Variants in KIF16B observed in about 807,000 individuals in gnomAD.
KIF16B encodes the protein kinesin-like protein KIF16B.
A neutral mutation model predicts 156.3 loss-of-function variants in KIF16B; 98 were observed. The ratio of observed to expected loss-of-function variants is 0.63; its 90% confidence interval spans 0.53 to 0.74. The LOEUF is 0.74. KIF16B is among the 30% of genes least tolerant of loss of function. The probability of loss-of-function intolerance (pLI) is 0.00; values close to 1 mark genes in which losing one functional copy is unlikely to be tolerated. For missense variants in KIF16B, 1,421 were observed against 1,606.5 expected, an observed-to-expected ratio of 0.88 and a Z score of 1.97; for synonymous variants, 564 against 583.7, an observed-to-expected ratio of 0.97 and a Z score of 0.49.
chr20:16,558,534 C>T (rs754101888), intron 1 of KIF16B, among the ~76,000 whole-genome samples: 6 of 152,214 alleles, frequency 3.9e-5, no homozygotes, highest in Non-Finnish European at 8.8e-5. Context: ...CACCTGCTGA[C>T]CAGGAACTGC....
At chr20:16,324,353 C>G (rs973255201) in intron 24 of KIF16B, among the ~76,000 whole-genome samples, 3 of 151,918 alleles carry the variant, frequency 2.0e-5, no homozygotes, top group African/African-American at 4.8e-5. Flanking sequence ...AGACATGAAC[C>G]TTGCCCCATG....
chr20:16,380,586 C>T lies in KIF16B; in HGVS notation c.1839-423G>A, dbSNP rs145872083. 4.4e-4 allele frequency among the ~76,000 whole-genome samples: 67 copies of T among 152,340 alleles called. No homozygotes were observed. In the East Asian group the frequency reaches 0.011, roughly 25 times the overall value. On this transcript the variant is annotated intron_variant, in intron 18 of 25. Transcript: ENST00000354981. Reference sequence around the variant, plus strand: ...ATAAAAATGCTTATGCTGTCCTCATCTCATTGGGGTCAAATATCAAAGTCA... The same window carrying T: ...ATAAAAATGCTTATGCTGTCCTCATTTCATTGGGGTCAAATATCAAAGTCA...
chr20:16,398,372 T>C (rs1212926128), intron 17 of KIF16B, among the ~76,000 whole-genome samples: 1 of 152,150 alleles, frequency 6.6e-6, no homozygotes, highest in African/African-American at 2.4e-5. Context: ...TGGTAGGTAC[T>C]GAGGGGCCAG....
At chr20:16,459,421 G>T (rs929922421) in intron 12 of KIF16B, among the ~76,000 whole-genome samples, 5 of 152,122 alleles carry the variant, frequency 3.3e-5, no homozygotes, top group Non-Finnish European at 7.3e-5. Flanking sequence ...TTTCTCAAAT[G>T]TAATTATATT....
chr20:16,433,961 C>T (rs965118249), intron 12 of KIF16B, among the ~76,000 whole-genome samples: 1 of 152,050 alleles, frequency 6.6e-6, no homozygotes, highest in African/African-American at 2.4e-5. Context: ...CCACCCTCCC[C>T]CAACTCCAGA....
chr20:16,423,755 G>A (rs1240179137), intron 15 of KIF16B, among the ~76,000 whole-genome samples: 1 of 152,002 alleles, frequency 6.6e-6, no homozygotes, highest in Non-Finnish European at 1.5e-5. Context: ...GCTGCCTGGA[G>A]GAATAGCAGC....
Position 16,453,250 on chromosome 20 carries a change from G to C in KIF16B, c.1303-23268C>G, listed in dbSNP as rs556823155. ...ATACCACTGCGCTCCAGCCTGAGCA[G>C]CAGTGAGATCCTGTCTCAATCAATC... On this transcript the variant is annotated intron_variant, in intron 12 of 25. Coordinates refer to ENST00000354981, the MANE Select transcript of KIF16B (RefSeq NM_024704.5). Among the ~76,000 whole-genome samples the C allele has an allele frequency of 2.6e-5, 4 of 152,186 alleles. No homozygotes were observed. In the East Asian group the frequency reaches 7.7e-4, roughly 29 times the overall value.
Position 16,410,109 on chromosome 20 carries a change from A to T in KIF16B, c.1613-3653T>A, listed in dbSNP as rs532826681. On this transcript the variant is annotated intron_variant, in intron 15 of 25. Coordinates refer to ENST00000354981, the MANE Select transcript of KIF16B (RefSeq NM_024704.5). ...TATGTAGGTACATATATATATATGT[A>T]GGTACATATATATATGTAGGTACAT... Among the ~76,000 whole-genome samples, 733 of 111,952 alleles carry T rather than the reference A, an allele frequency of 6.5e-3. 18 individuals carry two copies. The highest frequency in any genetic ancestry group is 0.011 in the Non-Finnish European group (566 of 52,034). The allele number at this position is 111,952 out of a possible 152,430, so 73.4% of individuals were successfully genotyped here.
intron 12 of KIF16B, among the ~76,000 whole-genome samples, chr20:16,446,669 A>C (rs2066939405): frequency 6.6e-6 from 1 of 152,198 alleles, no homozygotes; most frequent in Non-Finnish European, 1.5e-5. Context: ...CAGCTTCCAG[A>C]CTTTGGTAAC....
intron 1 of KIF16B, among the ~76,000 whole-genome samples, chr20:16,552,773 T>A (rs573595130): frequency 1.3e-5 from 2 of 152,310 alleles, no homozygotes; most frequent in African/African-American, 4.8e-5. Context: ...GCTTATATAT[T>A]CCTATGTTTT....
rs1245717469 is a variant in KIF16B, at chr20:16,528,395, G to C, written c.93C>G (p.Ser31Arg). Residue 31 changes from serine (S) to arginine (R), a missense_variant, in exon 2 of 26, where the codon AGC becomes AGG. Transcript: ENST00000354981. ...EAKFIIQMEK[S>R]KTTITNLKIP... is the part of the protein sequence containing the mutation. ...CCTTTAAGTTTGTGATTGTCGTTTT[G>C]CTTTTCTCCATCTGAATAATGAACT... 11 of 1,613,720 alleles carry C rather than the reference G, an allele frequency of 6.8e-6. No individual in the cohort carries two copies. The highest frequency in any genetic ancestry group is 9.3e-6 in the Non-Finnish European group (11 of 1,179,804).
intron 23 of KIF16B, among the ~76,000 whole-genome samples, chr20:16,353,175 T>C (rs1396641992): frequency 6.6e-6 from 1 of 152,208 alleles, no homozygotes; most frequent in Non-Finnish European, 1.5e-5. Flanking sequence ...TACCTTAGCC[T>C]CCTTAAATAG....
At chr20:16,505,893 G>C (rs764734334) in intron 8 of KIF16B, 40 bp from the exon 9 acceptor site, 25 of 1,607,886 alleles carry the variant, frequency 1.6e-5, no homozygotes, top group Non-Finnish European at 2.0e-5. Context: ...AGGACAATTA[G>C]TAAAATTTTT....
chr20:16,479,975 G>A (rs528946748), intron 12 of KIF16B, among the ~76,000 whole-genome samples: 3 of 152,146 alleles, frequency 2.0e-5, no homozygotes, highest in Non-Finnish European at 2.9e-5. Context: ...CAGGCTAGAC[G>A]TCTCCCTTGG....
chr20:16,457,654 AGAG>A (rs1230005989), intron 12 of KIF16B, among the ~76,000 whole-genome samples: 1 of 152,182 alleles, frequency 6.6e-6, no homozygotes, highest in Non-Finnish European at 1.5e-5. Flanking sequence ...CGGAGAATGA[AGAG>A]GATACTAAAC....
At chr20:16,490,493 A>G (rs1314952492) in intron 12 of KIF16B, among the ~76,000 whole-genome samples, 1 of 152,190 alleles carries the variant, frequency 6.6e-6, no homozygotes, top group African/African-American at 2.4e-5. Context: ...GTGAGCCGAA[A>G]TCACACCATT....
intron 24 of KIF16B, among the ~76,000 whole-genome samples, chr20:16,318,472 G>A (rs1029952501): frequency 6.6e-6 from 1 of 152,178 alleles, no homozygotes; most frequent in Non-Finnish European, 1.5e-5. Flanking sequence ...GGATGGGGCA[G>A]GGAATACACA....
At chr20:16,415,601 C>A (rs964761443) in intron 15 of KIF16B, among the ~76,000 whole-genome samples, 1 of 152,108 alleles carries the variant, frequency 6.6e-6, no homozygotes, top group Non-Finnish European at 1.5e-5. Flanking sequence ...AAGAGCCCTA[C>A]AGACCTGCCC....
intron 1 of KIF16B, among the ~76,000 whole-genome samples, chr20:16,548,775 G>A (rs1013542170): frequency 6.6e-6 from 1 of 152,088 alleles, no homozygotes; most frequent in African/African-American, 2.4e-5. Flanking sequence ...CCATACCCCA[G>A]GAGACAGACC....
Sources: allele counts gnomAD v4.1 joint callset (sites outside exome capture counted in the v4.1 genomes callset), GRCh38; gene constraint gnomAD v4.1.1; transcripts MANE v1.5; gene names NCBI Gene and HGNC (gene_info 2026-07-23, HGNC 2026-07-21).